Variants in RALGAPA2 observed in about 807,000 individuals in gnomAD.
RALGAPA2 encodes the protein Ral GTPase activating protein catalytic subunit alpha 2, also known as ral GTPase-activating protein subunit alpha-2.
A neutral mutation model predicts 230.4 loss-of-function variants in RALGAPA2; 139 were observed. That is an observed-to-expected ratio of 0.60 (90% CI 0.53 to 0.69). The LOEUF is 0.69. Among genes scored for constraint, RALGAPA2 ranks in the 30% least tolerant of loss-of-function variants. The pLI is 0.00. For missense variants in RALGAPA2, 2,163 were observed against 2,276.0 expected (o/e 0.95, Z 1.01); for synonymous variants, 847 against 837.8 (o/e 1.01, Z -0.19).
At chr20:20,709,405 C>A (rs1441710246) in intron 1 of RALGAPA2, among the ~76,000 whole-genome samples, 1 of 151,926 alleles carries the variant, frequency 6.6e-6, no homozygotes. Flanking sequence ...GGAGATTACT[C>A]GAGCCAGGGA....
intron 1 of RALGAPA2, among the ~76,000 whole-genome samples, chr20:20,710,159 T>TA (rs542743957): frequency 1.0e-3 from 153 of 151,660 alleles, no homozygotes; most frequent in Non-Finnish European, 1.8e-3. Flanking sequence ...TTTGCATACT[T>TA]AAAAAAAAAC....
intron 37 of RALGAPA2, among the ~76,000 whole-genome samples, chr20:20,443,749 G>A (rs1445942607): frequency 6.6e-6 from 1 of 152,234 alleles, no homozygotes; most frequent in Non-Finnish European, 1.5e-5. Context: ...GCTAAATGAT[G>A]AACACAGTGG....
At chr20:20,549,141 T>A (rs2145735232) in intron 23 of RALGAPA2, among the ~76,000 whole-genome samples, 1 of 152,298 alleles carries the variant, frequency 6.6e-6, no homozygotes, top group South Asian at 2.1e-4. Context: ...TAAAAAATGC[T>A]TTTCTAGGCT....
At chr20:20,500,156 T>C (rs938420176) in intron 35 of RALGAPA2, among the ~76,000 whole-genome samples, 2 of 152,212 alleles carry the variant, frequency 1.3e-5, no homozygotes, top group African/African-American at 4.8e-5. Flanking sequence ...TGTTGGTTGC[T>C]GATTGATCAG....
At chr20:20,689,470 C>A (rs547715315) in intron 1 of RALGAPA2, among the ~76,000 whole-genome samples, 2 of 152,084 alleles carry the variant, frequency 1.3e-5, no homozygotes, top group African/African-American at 4.8e-5. Flanking sequence ...GGTGAAACCC[C>A]GTCTCTACTA....
At chr20:20,431,356 G>C (rs6046857) in intron 37 of RALGAPA2, among the ~76,000 whole-genome samples, 6,396 of 152,090 alleles carry the variant, frequency 0.042, 298 homozygotes, top group East Asian at 0.17. Flanking sequence ...GAGGCTGGAG[G>C]GGGGAGAAGG....
chr20:20,712,264 A>AAC lies in RALGAPA2; in HGVS notation c.106+110_106+111insGT. 2.9e-6 allele frequency: 1 copy of AAC among 347,762 alleles called. No individual in the cohort carries two copies. The highest frequency in any genetic ancestry group is 5.5e-6 in the Non-Finnish European group (1 of 183,388). The allele number at this position is 347,762 out of a possible 1,614,324, so 21.5% of individuals were successfully genotyped here. On this transcript the variant is annotated intron_variant, in intron 1 of 39. Transcript: ENST00000202677. The surrounding 1 kb of genome is among the most constrained non-coding windows in gnomAD (Gnocchi z 5.5). ...ATCCAGGGAAGGGGGTCGGACGCCC[A>AAC]CCCATCCCCCTCCCCAGCCTCCCAG...
intron 23 of RALGAPA2, among the ~76,000 whole-genome samples, chr20:20,568,690 C>T (rs2064528086): frequency 6.6e-6 from 1 of 151,960 alleles, no homozygotes; most frequent in South Asian, 2.1e-4. Flanking sequence ...ATTTTGATAC[C>T]TTCAGATTTA....
At chr20:20,648,389 G>A (rs1257638783) in intron 4 of RALGAPA2, among the ~76,000 whole-genome samples, 1 of 151,812 alleles carries the variant, frequency 6.6e-6, no homozygotes, top group Non-Finnish European at 1.5e-5. Context: ...AGGGGGACGA[G>A]GAAACTTTCG....
At chr20:20,428,462 A>G (rs1203318666) in intron 37 of RALGAPA2, among the ~76,000 whole-genome samples, 1 of 152,224 alleles carries the variant, frequency 6.6e-6, no homozygotes, top group African/African-American at 2.4e-5. Context: ...AAGCAGCTCC[A>G]TTAAATCAGC....
rs1225792412 is a variant in RALGAPA2, at chr20:20,392,177, T to G, written c.*1112A>C. 6.8e-6 allele frequency: 1 copy of G among 147,436 alleles called. No individual in the cohort carries two copies. Among genetic ancestry groups the G allele is most frequent in the East Asian group, 1.9e-4 (1 of 5,198 alleles). 9.1% of individuals were successfully genotyped at this position (147,436 alleles called of 1,614,324 possible). A position where few individuals can be genotyped will look rare whatever the true frequency, so the allele number is the denominator to read the frequency against. ...TCTCTTTTCATTCATTCATTCATTT[T>G]GTTTTTAAGAAAAAAAAACAACAAC... On this transcript the variant is annotated 3_prime_UTR_variant, in exon 40 of 40. Transcript: ENST00000202677.
At chr20:20,464,275 A>G (rs570140016) in intron 37 of RALGAPA2, among the ~76,000 whole-genome samples, 1 of 152,370 alleles carries the variant, frequency 6.6e-6, no homozygotes, top group South Asian at 2.1e-4. Context: ...CAGTATTTGC[A>G]TGCTCAGCCA....
intron 34 of RALGAPA2, among the ~76,000 whole-genome samples, chr20:20,504,606 G>A (rs1400691501): frequency 1.3e-5 from 2 of 152,156 alleles, no homozygotes; most frequent in East Asian, 3.9e-4. Context: ...CGTGCCTGTA[G>A]TCCCAGCTAC....
At chr20:20,477,047 G>A (rs751167759) in intron 36 of RALGAPA2, among the ~76,000 whole-genome samples, 3 of 152,130 alleles carry the variant, frequency 2.0e-5, no homozygotes, top group Non-Finnish European at 4.4e-5. Flanking sequence ...AGTCAGAATA[G>A]TGGCCACTTC....
intron 35 of RALGAPA2, 35 bp downstream of exon 35, chr20:20,503,316 G>T: frequency 6.9e-7 from 1 of 1,459,570 alleles, no homozygotes; most frequent in Non-Finnish European, 9.3e-7. Context: ...TACAAACCAG[G>T]GCAGCTAAGA....
intron 2 of RALGAPA2, among the ~76,000 whole-genome samples, 169 bp from the exon 3 acceptor site, chr20:20,676,457 G>A (rs1033146610): frequency 5.2e-5 from 7 of 135,816 alleles, no homozygotes; most frequent in Non-Finnish European, 9.5e-5. Flanking sequence ...ACAGACAACC[G>A]AGCCCGACTG....
At chr20:20,603,915 T>C (rs764868359) in intron 15 of RALGAPA2, among the ~76,000 whole-genome samples, 1 of 152,194 alleles carries the variant, frequency 6.6e-6, no homozygotes, top group Non-Finnish European at 1.5e-5. Context: ...GTGTACCCTT[T>C]AAGAAGCTTT....
At chr20:20,504,085 C>T (rs1448853933) in intron 34 of RALGAPA2, among the ~76,000 whole-genome samples, 1 of 152,102 alleles carries the variant, frequency 6.6e-6, no homozygotes, top group Admixed American at 6.6e-5. Flanking sequence ...AACTAGTATT[C>T]TTTCAGTAAA....
intron 37 of RALGAPA2, among the ~76,000 whole-genome samples, chr20:20,458,470 A>T (rs1195927602): frequency 6.6e-5 from 7 of 105,654 alleles, no homozygotes; most frequent in African/African-American, 3.6e-4. Flanking sequence ...ATTTTATATA[A>T]TATATAATAT....
Sources: allele counts gnomAD v4.1 joint callset (sites outside exome capture counted in the v4.1 genomes callset), GRCh38; gene constraint gnomAD v4.1.1; non-coding constraint Gnocchi (gnomAD v3.1); transcripts MANE v1.5; gene names NCBI Gene and HGNC (gene_info 2026-07-23, HGNC 2026-07-21).